SLC4A10: variants seen among roughly 807,000 people sequenced by gnomAD.
SLC4A10 encodes the protein sodium-driven chloride bicarbonate exchanger.
Under a neutral mutation model 137.7 loss-of-function variants are expected in SLC4A10, and 42 were observed. That is an observed-to-expected ratio of 0.30 (90% CI 0.24 to 0.39). The LOEUF (loss-of-function observed/expected upper bound fraction) is 0.39, where lower values mean the gene tolerates loss of function less well. Among genes scored for constraint, SLC4A10 ranks in the 10% least tolerant of loss-of-function variants. SLC4A10 has a pLI of 1.00. For synonymous variants in SLC4A10, 474 were observed against 464.1 expected (o/e 1.02, Z -0.27); for missense variants, 925 against 1,355.0 (o/e 0.68, Z 4.98).
intron 1 of SLC4A10, among the ~76,000 whole-genome samples, chr2:161,640,196 T>C (rs2035072417): frequency 6.6e-6 from 1 of 152,196 alleles, no homozygotes; most frequent in South Asian, 2.1e-4. Context: ...CTCAGATTGA[T>C]TGTTTCATCT....
chr2:161,668,488 T>C (rs1181462278), intron 1 of SLC4A10, among the ~76,000 whole-genome samples: 1 of 151,772 alleles, frequency 6.6e-6, no homozygotes, highest in Non-Finnish European at 1.5e-5. Context: ...GTAGTGAGTT[T>C]CTCACTACTA....
intron 3 of SLC4A10, among the ~76,000 whole-genome samples, chr2:161,815,242 G>A (rs530097659): frequency 3.9e-5 from 6 of 152,200 alleles, no homozygotes; most frequent in African/African-American, 9.6e-5. Flanking sequence ...GGAGGGACCT[G>A]TAATCCCCAT....
intron 1 of SLC4A10, among the ~76,000 whole-genome samples, chr2:161,651,921 G>T (rs1474469691): frequency 2.6e-5 from 4 of 152,230 alleles, no homozygotes. Context: ...CAATACTCAG[G>T]CAGAAGGCGC....
intron 3 of SLC4A10, among the ~76,000 whole-genome samples, chr2:161,836,511 AGAAAGAAAGAGAGAGAGAG>A (rs1559358524): frequency 0.017 from 1,367 of 80,232 alleles, 34 homozygotes; most frequent in African/African-American, 0.067. Flanking sequence ...AGAAAAAGAA[AGAAAGAAAGAGAGAGAGAG>A]AGAAAGAAAG....
chr2:161,655,916 C>T (rs143302403), intron 1 of SLC4A10, among the ~76,000 whole-genome samples: 1 of 151,110 alleles, frequency 6.6e-6, no homozygotes, highest in East Asian at 2.0e-4. Context: ...CTGGTTCAAG[C>T]AATTCTCCTC....
intron 3 of SLC4A10, among the ~76,000 whole-genome samples, chr2:161,805,238 A>G (rs536712894): frequency 6.6e-6 from 1 of 152,140 alleles, no homozygotes; most frequent in Non-Finnish European, 1.5e-5. Flanking sequence ...ACCTGTCCTC[A>G]TTATTCAATT....
intron 1 of SLC4A10, among the ~76,000 whole-genome samples, chr2:161,626,896 T>C (rs1214183026): frequency 6.6e-6 from 1 of 152,140 alleles, no homozygotes; most frequent in Middle Eastern, 3.2e-3. Flanking sequence ...CTGGGCTCTG[T>C]TTTAGAAAAT....
intron 8 of SLC4A10, among the ~76,000 whole-genome samples, chr2:161,876,362 A>G (rs2061448053): frequency 6.6e-6 from 1 of 152,156 alleles, no homozygotes; most frequent in South Asian, 2.1e-4. Flanking sequence ...GTCTTTAAAC[A>G]TAATATTTTA....
At chr2:161,724,218 C>T (rs1363145542) in intron 1 of SLC4A10, among the ~76,000 whole-genome samples, 1 of 152,210 alleles carries the variant, frequency 6.6e-6, no homozygotes, top group Non-Finnish European at 1.5e-5. Flanking sequence ...TCACTCACTT[C>T]TGAGCTGCCA....
chr2:161,737,895 A>G (rs1200966627), intron 1 of SLC4A10, among the ~76,000 whole-genome samples: 2 of 152,196 alleles, frequency 1.3e-5, no homozygotes, highest in Non-Finnish European at 2.9e-5. Context: ...TAGAACACGA[A>G]AAACATGAAT....
Position 161,965,189 on chromosome 2 carries a change from A to G in SLC4A10, c.3159+16A>G. On this transcript the variant is annotated intron_variant, in intron 23 of 26. Transcript: ENST00000446997. The stretch of plus-strand genomic sequence containing the variant: ...TGAAAAAGAAGTAAGAGCAAAATCA[A>G]TGTTTTATAAAGAAAGAAAAAAGGA... The G allele has an allele frequency of 6.3e-7, 1 of 1,592,142 alleles. No homozygotes were observed. Among genetic ancestry groups the G allele is most frequent in the South Asian group, 1.1e-5 (1 of 88,102 alleles).
intron 1 of SLC4A10, among the ~76,000 whole-genome samples, chr2:161,681,909 G>T (rs1260751096): frequency 1.3e-5 from 2 of 151,952 alleles, no homozygotes; most frequent in Non-Finnish European, 2.9e-5. Flanking sequence ...CCTTCTCTCT[G>T]CCTTGAGCTG....
At chr2:161,789,297 A>T (rs566905559) in intron 2 of SLC4A10, among the ~76,000 whole-genome samples, 8 of 152,310 alleles carry the variant, frequency 5.3e-5, no homozygotes, top group Admixed American at 2.6e-4. Context: ...AGGGGAGCAG[A>T]GAAGCACCCC....
intron 1 of SLC4A10, among the ~76,000 whole-genome samples, chr2:161,697,212 T>TTTTTTTTTTTTTTTTTTTTTTTGAGAC (rs2042609362): frequency 6.6e-6 from 1 of 152,166 alleles, no homozygotes; most frequent in African/African-American, 2.4e-5. Flanking sequence ...ATTAGCCTTT[T>TTTTTTTTTTTTTTTTTTTTTTTGAGAC]GTCAGATGAG....
At chr2:161,801,106 A>G (rs1204569557) in intron 2 of SLC4A10, among the ~76,000 whole-genome samples, 2 of 152,044 alleles carry the variant, frequency 1.3e-5, no homozygotes, top group African/African-American at 2.4e-5. Context: ...GTAACTTCAC[A>G]TGTATTAACT....
At chr2:161,675,316 C>T (rs1343591556) in intron 1 of SLC4A10, among the ~76,000 whole-genome samples, 1 of 152,180 alleles carries the variant, frequency 6.6e-6, no homozygotes, top group Non-Finnish European at 1.5e-5. Flanking sequence ...TGGTGATTAT[C>T]TTTCTGATGG....
At chr2:161,651,633 A>G (rs1353627237) in intron 1 of SLC4A10, among the ~76,000 whole-genome samples, 2 of 152,146 alleles carry the variant, frequency 1.3e-5, no homozygotes, top group East Asian at 3.9e-4. Flanking sequence ...CCAAGTCCAG[A>G]TGTGGGTGCC....
intron 26 of SLC4A10, among the ~76,000 whole-genome samples, chr2:161,981,765 A>C (rs1576001701): frequency 6.6e-6 from 1 of 152,344 alleles, no homozygotes; most frequent in Admixed American, 6.5e-5. Context: ...GAAGGAGAAA[A>C]GAAAAGGGAG....
chr2:161,698,002 C>G (rs1416315483), intron 1 of SLC4A10, among the ~76,000 whole-genome samples: 1 of 152,158 alleles, frequency 6.6e-6, no homozygotes, highest in Non-Finnish European at 1.5e-5. Context: ...GTTTGTAGTT[C>G]TCCTTGAAGA....
Sources: gnomAD v4.1 joint callset for allele counts (sites outside exome capture counted in the v4.1 genomes callset) on GRCh38, gnomAD v4.1.1 for gene constraint, MANE v1.5 for transcripts, NCBI Gene and HGNC (gene_info 2026-07-23, HGNC 2026-07-21) for gene names.